Variants in SLC44A5 observed in about 807,000 individuals in gnomAD.
SLC44A5 encodes the protein solute carrier family 44 member 5.
A neutral mutation model predicts 101.8 loss-of-function variants in SLC44A5; 57 were observed. That is an observed-to-expected ratio of 0.56 (90% confidence interval 0.45 to 0.70). The LOEUF is 0.70. Among genes scored for constraint, SLC44A5 ranks in the 30% least tolerant of loss-of-function variants. SLC44A5 has a pLI of 0.00. For missense variants in SLC44A5, 737 were observed against 853.1 expected, an observed-to-expected ratio of 0.86 and a Z score of 1.70; for synonymous variants, 281 against 290.9, an observed-to-expected ratio of 0.97 and a Z score of 0.35.
intron 5 of SLC44A5, among the ~76,000 whole-genome samples, chr1:75,297,460 T>C (rs1289333445): frequency 1.3e-5 from 2 of 152,016 alleles, no homozygotes; most frequent in Admixed American, 6.6e-5. Context: ...AATTTTTGTA[T>C]TTCTCGTAGG....
At chr1:75,495,238 G>A (rs972361382) in intron 2 of SLC44A5, among the ~76,000 whole-genome samples, 1 of 152,102 alleles carries the variant, frequency 6.6e-6, no homozygotes, top group Non-Finnish European at 1.5e-5. Context: ...GGTGGATCAT[G>A]AGGTCAGGAG....
intron 3 of SLC44A5, among the ~76,000 whole-genome samples, chr1:75,355,254 T>TA (rs1658982635): frequency 6.6e-6 from 1 of 152,182 alleles, no homozygotes; most frequent in Admixed American, 6.5e-5. Context: ...AAATACTGTA[T>TA]AAAAATTATA....
the SLC44A5 span, among the ~76,000 whole-genome samples, chr1:75,702,379 G>C: frequency 6.6e-6 from 1 of 152,132 alleles, no homozygotes; most frequent in Non-Finnish European, 1.5e-5. Context: ...TCTGATCTTT[G>C]ACAAACCTGA....
intron 1 of SLC44A5, among the ~76,000 whole-genome samples, chr1:75,570,917 C>T (rs1452300593): frequency 2.0e-5 from 3 of 152,158 alleles, no homozygotes; most frequent in Non-Finnish European, 4.4e-5. Context: ...GTGCCCTAGT[C>T]ATGAAGCAAA....
rs1281139728 is a variant in SLC44A5, at chr1:75,276,844, G to C, written c.176-1802C>G. On this transcript the variant is annotated intron_variant, in intron 5 of 23. Transcript: ENST00000370859. ...AGTGCATGTTAATGAGTGGAATACT[G>C]TTGCGGGCAGCTGGGGCTCCATCCC... 3.3e-5 allele frequency among the ~76,000 whole-genome samples: 5 copies of C among 152,264 alleles called. No individual in the cohort carries two copies. The East Asian group carries it at 7.7e-4, about 24-fold the overall frequency.
intron 1 of SLC44A5, among the ~76,000 whole-genome samples, chr1:75,546,191 A>T (rs1418802075): frequency 0.032 from 326 of 10,212 alleles, 114 homozygotes; most frequent in Admixed American, 0.22. Context: ...CAAATTCAAA[A>T]TTTTTTTTTT....
the SLC44A5 span, among the ~76,000 whole-genome samples, chr1:75,705,074 T>C: frequency 6.6e-6 from 1 of 152,214 alleles, no homozygotes; most frequent in African/African-American, 2.4e-5. Context: ...TCAGATAATA[T>C]ACCTACTATG....
the SLC44A5 span, among the ~76,000 whole-genome samples, chr1:75,705,473 T>C: frequency 0.019 from 2,946 of 152,322 alleles, 90 homozygotes; most frequent in African/African-American, 0.067. Context: ...TTCCTCTTGA[T>C]ACAATTTTCA....
At chr1:75,569,108 C>T (rs1672933371) in intron 1 of SLC44A5, among the ~76,000 whole-genome samples, 1 of 152,130 alleles carries the variant, frequency 6.6e-6, no homozygotes, top group South Asian at 2.1e-4. Context: ...CGTCCAGCCC[C>T]ATCACTTTAT....
chr1:75,480,900 CTACTT>C, intron 2 of SLC44A5, among the ~76,000 whole-genome samples: 1 of 152,208 alleles, frequency 6.6e-6, no homozygotes. Flanking sequence ...TTGGAAAAAA[CTACTT>C]TAAAGTTCAT....
At chr1:75,671,749 C>G in the SLC44A5 span, among the ~76,000 whole-genome samples, 3 of 152,190 alleles carry the variant, frequency 2.0e-5, no homozygotes, top group Non-Finnish European at 4.4e-5. Flanking sequence ...CTCTCAAGCA[C>G]AGAAACAGAC....
chr1:75,657,578 A>G, the SLC44A5 span, among the ~76,000 whole-genome samples: 1 of 152,032 alleles, frequency 6.6e-6, no homozygotes, highest in Non-Finnish European at 1.5e-5. Context: ...TGGGTTTAAA[A>G]GGATATTCCA....
the SLC44A5 span, among the ~76,000 whole-genome samples, chr1:75,644,698 G>C: frequency 1.3e-5 from 2 of 151,714 alleles, no homozygotes; most frequent in African/African-American, 2.4e-5. Context: ...GTGCAGGTTT[G>C]TTACATATGT....
At chr1:75,571,906 T>C (rs371947069) in intron 1 of SLC44A5, among the ~76,000 whole-genome samples, 5 of 152,206 alleles carry the variant, frequency 3.3e-5, no homozygotes, top group African/African-American at 1.2e-4. Context: ...AAAAGCAAAG[T>C]AATCAACAAA....
chr1:75,375,612 GTTCA>G lies in SLC44A5; in HGVS notation c.52+20967_52+20970del, dbSNP rs1660528209. Among the ~76,000 whole-genome samples, 3 of 23,970 alleles carry G rather than the reference GTTCA, an allele frequency of 1.3e-4. No individual in the cohort carries two copies. In the African/African-American group the frequency reaches 2.1e-3, roughly 17 times the overall value. 15.7% of individuals were successfully genotyped at this position (23,970 alleles called of 152,430 possible). A position where few individuals can be genotyped will look rare whatever the true frequency, so the allele number is the denominator to read the frequency against. On this transcript the variant is annotated intron_variant, in intron 3 of 23. Coordinates refer to ENST00000370859, the MANE Select transcript of SLC44A5 (RefSeq NM_001130058.2). ...AGGGTCATATCACTTTTCTATCACT[GTTCA>G]CAAAGGGAACCCCATCAGGTGAACA...
rs896576748 is a variant in SLC44A5, at chr1:75,270,973, T to C, written c.260+3985A>G. 5.3e-5 allele frequency among the ~76,000 whole-genome samples: 8 copies of C among 152,218 alleles called. No individual in the cohort carries two copies. In the South Asian group the frequency reaches 1.7e-3, roughly 32 times the overall value. On this transcript the variant is annotated intron_variant, in intron 6 of 23. Transcript: ENST00000370859. ...CTTAAAGAACTAGAGATTGAGAGATTTGTATGGTTTCTTTTACCACTTGGT... is the reference window on the plus strand; with the variant it reads ...CTTAAAGAACTAGAGATTGAGAGATCTGTATGGTTTCTTTTACCACTTGGT...
intron 5 of SLC44A5, among the ~76,000 whole-genome samples, chr1:75,291,967 G>A (rs553105778): frequency 1.6e-4 from 24 of 149,478 alleles, no homozygotes; most frequent in Non-Finnish European, 3.0e-4. Flanking sequence ...AGCCGAGATC[G>A]CGCCACTGCA....
the SLC44A5 span, among the ~76,000 whole-genome samples, chr1:75,631,359 C>T: frequency 0.75 from 114,531 of 151,828 alleles, 43,476 homozygotes; most frequent in East Asian, 0.96. Context: ...TGTGACTTCC[C>T]TAAGACAGAG....
intron 4 of SLC44A5, among the ~76,000 whole-genome samples, chr1:75,334,535 A>T (rs1657296260): frequency 6.6e-6 from 1 of 152,180 alleles, no homozygotes; most frequent in Non-Finnish European, 1.5e-5. Flanking sequence ...TTCAGGGTAG[A>T]AGCAAGAATC....
Sources: gnomAD v4.1 joint callset for allele counts (sites outside exome capture counted in the v4.1 genomes callset) on GRCh38, gnomAD v4.1.1 for gene constraint, MANE v1.5 for transcripts, NCBI Gene and HGNC (gene_info 2026-07-23, HGNC 2026-07-21) for gene names.